The following CHRM3 variants were observed in gnomAD, a reference collection of about 807,000 sequenced individuals.
CHRM3 encodes cholinergic receptor muscarinic 3.
A neutral mutation model predicts 41.8 loss-of-function variants in CHRM3; 11 were observed. The observed-to-expected ratio is 0.26, with a 90% CI of 0.17 to 0.44. The LOEUF (loss-of-function observed/expected upper bound fraction) is 0.44. CHRM3 is among the 20% of genes least tolerant of loss of function. The probability of loss-of-function intolerance (pLI) is 1.00; values close to 1 mark genes in which losing one functional copy is unlikely to be tolerated. For missense variants in CHRM3, 571 were observed against 745.4 expected, an observed-to-expected ratio of 0.77 and a Z score of 2.72; for synonymous variants, 297 against 301.4, an observed-to-expected ratio of 0.99 and a Z score of 0.15.
At chr1:239,788,392 T>A (rs1489811785) in intron 5 of CHRM3, among the ~76,000 whole-genome samples, 1 of 152,174 alleles carries the variant, frequency 6.6e-6, no homozygotes, top group Non-Finnish European at 1.5e-5. Flanking sequence ...TTCATACCAT[T>A]TCATATGATA....
chr1:239,580,010 A>G (rs1463115861), intron 3 of CHRM3, among the ~76,000 whole-genome samples: 1 of 152,132 alleles, frequency 6.6e-6, no homozygotes, highest in African/African-American at 2.4e-5. Context: ...CTTAACCACT[A>G]TGCCAGACTG....
At chr1:239,608,431 A>G (rs1295627847) in intron 3 of CHRM3, among the ~76,000 whole-genome samples, 1 of 152,220 alleles carries the variant, frequency 6.6e-6, no homozygotes, top group East Asian at 1.9e-4. Flanking sequence ...AATTTCTAAA[A>G]AGAGCTGTTC....
chr1:239,615,458 GGTAGGAATCCTCCAGAGTGCTTCT>G (rs1172183546), intron 3 of CHRM3, among the ~76,000 whole-genome samples: 1 of 152,100 alleles, frequency 6.6e-6, no homozygotes, highest in African/African-American at 2.4e-5. Flanking sequence ...ACTGGGGGAT[GGTAGGAATCCTCCAGAGTGCTTCT>G]GTTTTAGGAA....
At chr1:239,535,872 G>T (rs1558299108) in intron 2 of CHRM3, among the ~76,000 whole-genome samples, 2 of 152,102 alleles carry the variant, frequency 1.3e-5, no homozygotes, top group Non-Finnish European at 1.5e-5. Context: ...TGAGCTGTCG[G>T]GTACAGGGTG....
At position 239,458,897 on chromosome 1, in the gene CHRM3, A is replaced by T. The variant is rs1246044246; in HGVS notation, c.-520-33812A>T. Among the ~76,000 whole-genome samples the T allele has an allele frequency of 2.0e-5, 3 of 150,110 alleles. No homozygotes were observed. The East Asian group carries it at 5.8e-4, about 29-fold the overall frequency. On this transcript the variant is annotated intron_variant, in intron 1 of 6. Transcript: ENST00000676153. ...AAGAAGAAATGGGAGACCCCCCCCC[A>T]TCAGGGTGGAACTCTTCCGGCTACT...
intron 5 of CHRM3, among the ~76,000 whole-genome samples, chr1:239,753,191 A>G (rs953973668): frequency 2.0e-5 from 3 of 152,236 alleles, no homozygotes; most frequent in African/African-American, 7.2e-5. Context: ...GGTCAAACGT[A>G]TAGATAGGTC....
At chr1:239,404,035 G>T (rs188055203) in intron 1 of CHRM3, among the ~76,000 whole-genome samples, 3 of 142,694 alleles carry the variant, frequency 2.1e-5, no homozygotes, top group East Asian at 2.2e-4. Flanking sequence ...GGTGGCTCAC[G>T]CCTGTAATCC....
intron 5 of CHRM3, among the ~76,000 whole-genome samples, chr1:239,785,745 GA>G (rs541301211): frequency 4.6e-4 from 69 of 148,478 alleles, no homozygotes; most frequent in African/African-American, 1.2e-3. Flanking sequence ...TTTCTTCGTG[GA>G]AAAAAAAAAT....
At chr1:239,889,041 G>T (rs1203309455) in intron 6 of CHRM3, among the ~76,000 whole-genome samples, 1 of 152,208 alleles carries the variant, frequency 6.6e-6, no homozygotes, top group African/African-American at 2.4e-5. Context: ...GGCCAGGGAA[G>T]TCAAGGACGC....
chr1:239,604,633 A>G (rs965824827), intron 3 of CHRM3, among the ~76,000 whole-genome samples: 3 of 152,220 alleles, frequency 2.0e-5, no homozygotes, highest in African/African-American at 7.2e-5. Flanking sequence ...GGATCTCTAG[A>G]GGCTGGCATC....
At chr1:239,790,843 G>A (rs1461475237) in intron 5 of CHRM3, among the ~76,000 whole-genome samples, 1 of 152,122 alleles carries the variant, frequency 6.6e-6, no homozygotes, top group Admixed American at 6.5e-5. Flanking sequence ...ATATAGCTTT[G>A]TGGACATCAG....
At chr1:239,733,970 A>G (rs111737506) in intron 5 of CHRM3, among the ~76,000 whole-genome samples, 61 of 152,188 alleles carry the variant, frequency 4.0e-4, no homozygotes, top group African/African-American at 1.4e-3. Flanking sequence ...GAATTTTTTA[A>G]AGGACAGAAA....
At chr1:239,651,985 GT>G (rs56096731) in intron 4 of CHRM3, among the ~76,000 whole-genome samples, 40,539 of 139,552 alleles carry the variant, frequency 0.29, 5,664 homozygotes, top group East Asian at 0.61. Context: ...GCCAGTTTTT[GT>G]TTTTTTTTTT....
rs796373002 is a variant in CHRM3, at chr1:239,874,303, A to ATATCTATATACACAG, written c.-19-33127_-19-33126insCTATATACACAGTAT. 1.4e-3 allele frequency among the ~76,000 whole-genome samples: 174 copies of ATATCTATATACACAG among 123,958 alleles called. 3 individuals are homozygous for ATATCTATATACACAG. In the East Asian group the frequency reaches 0.024, roughly 17 times the overall value. 81.3% of individuals were successfully genotyped at this position (123,958 alleles called of 152,430 possible). Reference sequence around the variant, plus strand: ...ATACACAGTATATATATATATATATATATATATATATATATATATATATAC... The same window carrying ATATCTATATACACAG: ...ATACACAGTATATATATATATATATATATCTATATACACAGTATATATATATATATATATATATAC... On this transcript the variant is annotated intron_variant, in intron 6 of 6. Transcript: ENST00000676153.
At chr1:239,774,835 A>G (rs1667966344) in intron 5 of CHRM3, among the ~76,000 whole-genome samples, 1 of 152,204 alleles carries the variant, frequency 6.6e-6, no homozygotes, top group Non-Finnish European at 1.5e-5. Context: ...TATTACCATC[A>G]GATGTTTTCT....
intron 5 of CHRM3, among the ~76,000 whole-genome samples, chr1:239,728,690 AT>A (rs1663673151): frequency 6.6e-6 from 1 of 151,950 alleles, no homozygotes; most frequent in South Asian, 2.1e-4. Context: ...CCAGAATGGA[AT>A]TTTTGTCACA....
At chr1:239,888,124 C>T (rs535746809) in intron 6 of CHRM3, among the ~76,000 whole-genome samples, 35 of 152,114 alleles carry the variant, frequency 2.3e-4, no homozygotes, top group South Asian at 1.7e-3. Flanking sequence ...GAATTTGGGA[C>T]GCCAAGGCAG....
intron 6 of CHRM3, chr1:239,898,043 C>G (rs1339643428): frequency 6.6e-6 from 1 of 152,104 alleles, no homozygotes; most frequent in African/African-American, 2.4e-5. Flanking sequence ...AATTTTATTC[C>G]GGTTTTGGTG....
intron 2 of CHRM3, among the ~76,000 whole-genome samples, chr1:239,535,877 A>G (rs554083803): frequency 6.6e-6 from 1 of 152,260 alleles, no homozygotes; most frequent in Non-Finnish European, 1.5e-5. Context: ...TGTCGGGTAC[A>G]GGGTGTTGCA....
Sources: allele counts gnomAD v4.1 joint callset (sites outside exome capture counted in the v4.1 genomes callset), GRCh38; gene constraint gnomAD v4.1.1; transcripts MANE v1.5; gene names NCBI Gene and HGNC (gene_info 2026-07-23, HGNC 2026-07-21).